CEP112: variants seen among roughly 807,000 people sequenced by gnomAD.
CEP112 encodes the protein centrosomal protein 112, also known as centrosomal protein of 112 kDa.
CEP112 carries 127 observed loss-of-function variants against 153.0 expected under a neutral mutation model. That is an observed-to-expected ratio of 0.83 (90% CI 0.72 to 0.96). CEP112 has a LOEUF of 0.96. Ranked by LOEUF, CEP112 falls within the 40% of genes least tolerant of loss-of-function variation. CEP112 has a pLI of 0.00. For synonymous variants in CEP112, 358 were observed against 374.4 expected, an observed-to-expected ratio of 0.96 and a Z score of 0.51; for missense variants, 1,089 against 1,101.2, an observed-to-expected ratio of 0.99 and a Z score of 0.16.
At chr17:66,046,077 C>G (rs2066192101) in intron 12 of CEP112, among the ~76,000 whole-genome samples, 1 of 151,638 alleles carries the variant, frequency 6.6e-6, no homozygotes, top group African/African-American at 2.4e-5. Flanking sequence ...GAGTCTCGCT[C>G]TGTCGCCCAG....
rs955849299 is a variant in CEP112 at position 65,885,056 on chromosome 17, G to T, written c.2163+17096C>A. Among the ~76,000 whole-genome samples, 5 of 152,212 alleles carry T rather than the reference G, an allele frequency of 3.3e-5. No homozygotes were observed. The East Asian group carries it at 9.7e-4, about 29-fold the overall frequency. The stretch of plus-strand genomic sequence containing the variant: ...AATAAAAATCCTATTTGAAGAGCTT[G>T]AAAAGAATGTTGTATAATTATTAAG... On this transcript the variant is annotated intron_variant, in intron 20 of 26. Transcript: ENST00000535342.
At chr17:66,006,956 A>G (rs1388653207) in intron 16 of CEP112, among the ~76,000 whole-genome samples, 1 of 152,176 alleles carries the variant, frequency 6.6e-6, no homozygotes, top group Non-Finnish European at 1.5e-5. Flanking sequence ...CATATCAAAC[A>G]CTGAATCAGG....
chr17:65,655,285 G>T (rs878958758), intron 24 of CEP112: 2 of 1,352,244 alleles, frequency 1.5e-6, no homozygotes, highest in East Asian at 2.3e-5. Context: ...TTGGGTGCAG[G>T]CTGAGCGACC....
At chr17:65,661,001 C>A (rs1207836732) in intron 24 of CEP112, among the ~76,000 whole-genome samples, 1 of 152,210 alleles carries the variant, frequency 6.6e-6, no homozygotes, top group African/African-American at 2.4e-5. Context: ...TCTGTGATTT[C>A]TTTCATCTGT....
intron 4 of CEP112, among the ~76,000 whole-genome samples, chr17:66,161,847 A>C (rs901105466): frequency 6.6e-6 from 1 of 152,090 alleles, no homozygotes; most frequent in African/African-American, 2.4e-5. Context: ...AAAGAATAAA[A>C]AAACTCTGCA....
At chr17:65,985,325 C>T (rs145814626) in intron 17 of CEP112, among the ~76,000 whole-genome samples, 1 of 152,170 alleles carries the variant, frequency 6.6e-6, no homozygotes, top group East Asian at 1.9e-4. Context: ...AAAGAAAACA[C>T]CCTATAAATT....
chr17:65,720,959 C>T (rs2049839041), intron 23 of CEP112, among the ~76,000 whole-genome samples: 1 of 151,154 alleles, frequency 6.6e-6, no homozygotes, highest in Non-Finnish European at 1.5e-5. Flanking sequence ...TGAACCTAGG[C>T]AGCCTGGTTC....
At chr17:65,983,255 C>T (rs2063291716) in intron 17 of CEP112, among the ~76,000 whole-genome samples, 1 of 152,184 alleles carries the variant, frequency 6.6e-6, no homozygotes, top group Admixed American at 6.5e-5. Context: ...ATGACTGTAG[C>T]TGTAACTGTG....
chr17:65,987,930 T>C (rs1332041078), intron 17 of CEP112, among the ~76,000 whole-genome samples: 1 of 152,140 alleles, frequency 6.6e-6, no homozygotes, highest in East Asian at 1.9e-4. Context: ...ACAGGAAACA[T>C]TGTGAGTTCC....
At chr17:65,694,784 G>A (rs974855314) in intron 23 of CEP112, among the ~76,000 whole-genome samples, 1 of 152,024 alleles carries the variant, frequency 6.6e-6, no homozygotes, top group Non-Finnish European at 1.5e-5. Context: ...GTACAACCGC[G>A]GACTTTAAGT....
At chr17:65,666,463 T>C (rs750632253) in intron 24 of CEP112, among the ~76,000 whole-genome samples, 9 of 152,236 alleles carry the variant, frequency 5.9e-5, no homozygotes, top group Admixed American at 2.6e-4. Context: ...TCCCTTGTGC[T>C]GGGTGAAGCC....
chr17:65,671,163 G>C (rs1460397970), intron 24 of CEP112, among the ~76,000 whole-genome samples: 1 of 152,178 alleles, frequency 6.6e-6, no homozygotes, highest in Non-Finnish European at 1.5e-5. Flanking sequence ...AGGACTATAA[G>C]CAGGTGGCAA....
chr17:65,868,408 G>A (rs2146469813), intron 20 of CEP112, among the ~76,000 whole-genome samples: 1 of 152,050 alleles, frequency 6.6e-6, no homozygotes, highest in South Asian at 2.1e-4. Context: ...GCTGAGGCAG[G>A]AGAAACGCTT....
intron 10 of CEP112, among the ~76,000 whole-genome samples, chr17:66,063,404 C>T (rs1048668298): frequency 2.0e-5 from 3 of 151,916 alleles, no homozygotes; most frequent in Admixed American, 6.6e-5. Context: ...GAATGGAAAA[C>T]CAAATACCAT....
chr17:66,177,059 A>G, intron 2 of CEP112, 39 bp from the exon 3 acceptor site: 4 of 1,505,204 alleles, frequency 2.7e-6, no homozygotes, highest in Non-Finnish European at 2.7e-6. Context: ...TTTATTTTTT[A>G]TAAAATGAAA....
intron 8 of CEP112, among the ~76,000 whole-genome samples, chr17:66,072,666 C>T (rs1213527129): frequency 6.6e-6 from 1 of 152,106 alleles, no homozygotes; most frequent in Non-Finnish European, 1.5e-5. Context: ...AGCTCAGTAA[C>T]TTGGTTAAGA....
chr17:65,929,427 T>C (rs1379400017), intron 18 of CEP112, among the ~76,000 whole-genome samples: 1 of 152,176 alleles, frequency 6.6e-6, no homozygotes, highest in Admixed American at 6.5e-5. Context: ...CTGCCTGATA[T>C]TCACACAGTT....
At chr17:66,145,043 T>C (rs2070864143) in intron 4 of CEP112, among the ~76,000 whole-genome samples, 1 of 152,230 alleles carries the variant, frequency 6.6e-6, no homozygotes, top group Non-Finnish European at 1.5e-5. Flanking sequence ...GTTTTCTCAG[T>C]CTTTATAATT....
At chr17:66,115,452 G>A (rs1190138221) in intron 6 of CEP112, among the ~76,000 whole-genome samples, 2 of 152,208 alleles carry the variant, frequency 1.3e-5, no homozygotes, top group African/African-American at 4.8e-5. Flanking sequence ...CTGGGACAGT[G>A]CATTCTTGAA....
Sources: gnomAD v4.1 joint callset for allele counts (sites outside exome capture counted in the v4.1 genomes callset) on GRCh38, gnomAD v4.1.1 for gene constraint, MANE v1.5 for transcripts, NCBI Gene and HGNC (gene_info 2026-07-23, HGNC 2026-07-21) for gene names.